Variants in DLGAP5 observed in about 807,000 individuals in gnomAD.
DLGAP5 encodes the protein DLG associated protein 5.
Under a neutral mutation model 99.6 loss-of-function variants are expected in DLGAP5, and 90 were observed. The ratio of observed to expected loss-of-function variants is 0.90; its 90% CI spans 0.76 to 1.08. The LOEUF (loss-of-function observed/expected upper bound fraction) is 1.08, where lower values mean the gene tolerates loss of function less well. DLGAP5 is among the 50% of genes least tolerant of loss of function. DLGAP5 has a pLI of 0.00. For missense variants in DLGAP5, 1,036 were observed against 983.5 expected (o/e 1.05, Z -0.71); for synonymous variants, 311 against 321.3 (o/e 0.97, Z 0.34).
intron 10 of DLGAP5, among the ~76,000 whole-genome samples, chr14:55,171,546 T>C (rs1479603027): frequency 6.6e-6 from 1 of 152,174 alleles, no homozygotes; most frequent in Non-Finnish European, 1.5e-5. Context: ...AAAGCCACTG[T>C]AGAAAACAGT....
chr14:55,183,561 T>C lies in DLGAP5; in HGVS notation c.431A>G (p.Lys144Arg), dbSNP rs747370616. 1 of 1,542,810 alleles carries C rather than the reference T, an allele frequency of 6.5e-7. No individual in the cohort carries two copies. The highest frequency in any genetic ancestry group is 8.7e-7 in the Non-Finnish European group (1 of 1,151,604). Residue 144 changes from lysine (K) to arginine (R), a missense_variant and splice_region_variant, in exon 3 of 19, where the codon AAG (lysine) becomes AGG (arginine). Coordinates refer to ENST00000247191, the MANE Select transcript of DLGAP5 (RefSeq NM_014750.5). ...TTTATATTAAGACACTAAATTTACC[T>C]TTTTTGGCTCAGCTTTCACAGCATT... is the stretch of plus-strand genomic sequence containing the variant. ...NQNAVKAEPK[K>R]AIPSSVRITR...
chr14:55,162,680 T>C (rs538978252), intron 13 of DLGAP5, among the ~76,000 whole-genome samples: 31 of 152,080 alleles, frequency 2.0e-4, no homozygotes, highest in South Asian at 1.2e-3. Context: ...TGTGGTAACT[T>C]AGAAGCCCTC....
chr14:55,164,077 G>A (rs1054956096), intron 12 of DLGAP5, among the ~76,000 whole-genome samples: 1 of 152,010 alleles, frequency 6.6e-6, no homozygotes, highest in African/African-American at 2.4e-5. Flanking sequence ...AGTCTCCTAC[G>A]AAGAGTTACG....
In DLGAP5 at chr14:55,174,031, C is replaced by T. The variant is rs191176436; in HGVS notation, c.1301+1315G>A. Reference sequence around the variant, plus strand: ...AAGAGAGATAACCTTAAACTCTGGCCGCCGGTGAGCCGGGCGGAACAGAGC... The same window carrying T: ...AAGAGAGATAACCTTAAACTCTGGCTGCCGGTGAGCCGGGCGGAACAGAGC... On this transcript the variant is annotated intron_variant, in intron 10 of 18. Transcript: ENST00000247191. 2.2e-3 allele frequency among the ~76,000 whole-genome samples: 332 copies of T among 152,320 alleles called. 3 individuals are homozygous for T. The highest frequency in any genetic ancestry group is 7.2e-3 in the African/African-American group (301 of 41,582).
At chr14:55,169,609 C>G (rs779893225) in intron 11 of DLGAP5, 50 bp from the exon 12 acceptor site, 42 of 1,434,058 alleles carry the variant, frequency 2.9e-5, no homozygotes, top group Non-Finnish European at 3.6e-5. Context: ...ACGGGACATT[C>G]ATTGCAAGTC....
At chr14:55,180,865 G>C in intron 5 of DLGAP5, 87 bp from the exon 6 acceptor site, 1 of 1,529,616 alleles carries the variant, frequency 6.5e-7, no homozygotes, top group Non-Finnish European at 9.0e-7. Context: ...TGCAATGCCT[G>C]TAGTCCCAGC....
chr14:55,177,362 G>A, intron 7 of DLGAP5, 26 bp from the exon 8 acceptor site: 1 of 1,546,324 alleles, frequency 6.5e-7, no homozygotes, highest in Non-Finnish European at 8.7e-7. Flanking sequence ...ACAAAGTAGA[G>A]TAAGATTTCT....
chr14:55,174,014 T>C (rs897665705), intron 10 of DLGAP5, among the ~76,000 whole-genome samples: 1 of 152,208 alleles, frequency 6.6e-6, no homozygotes, highest in East Asian at 1.9e-4. Flanking sequence ...ATAAGAGAGA[T>C]AACCTTAAAC....
intron 2 of DLGAP5, among the ~76,000 whole-genome samples, chr14:55,185,329 A>G (rs1883396737): frequency 6.6e-6 from 1 of 152,072 alleles, no homozygotes; most frequent in Non-Finnish European, 1.5e-5. Context: ...CCTCCCGAGT[A>G]GCTGGGATTA....
chr14:55,175,861 C>G (rs756670646), intron 9 of DLGAP5, 33 bp downstream of exon 9: 2 of 1,489,880 alleles, frequency 1.3e-6, no homozygotes, highest in Admixed American at 2.1e-5. Context: ...TAACATTATT[C>G]TAAAAAATGA....
chr14:55,172,340 CAAA>C (rs879341861), intron 10 of DLGAP5, among the ~76,000 whole-genome samples: 1 of 98,276 alleles, frequency 1.0e-5, no homozygotes, highest in African/African-American at 4.0e-5. Context: ...AAAAAAAATA[CAAA>C]AAAAAAAAAA....
intron 7 of DLGAP5, among the ~76,000 whole-genome samples, chr14:55,178,021 G>C (rs1438440769): frequency 6.6e-6 from 1 of 151,266 alleles, no homozygotes; most frequent in Non-Finnish European, 1.5e-5. Flanking sequence ...GGGAGGCTGA[G>C]GCGGGCGGAT....
Position 55,157,583 on chromosome 14 carries a change from GA to G in DLGAP5, c.1873+938del, listed in dbSNP as rs370497852. On this transcript the variant is annotated intron_variant, in intron 14 of 18. Coordinates refer to ENST00000247191, the MANE Select transcript of DLGAP5 (RefSeq NM_014750.5). ...TTCAATTCAAGAAAAATAGTCTGTGGAAAAAAAAGCTATGACAAACACTGTG... is the reference window on the plus strand; with the variant it reads ...TTCAATTCAAGAAAAATAGTCTGTGGAAAAAAAGCTATGACAAACACTGTG... Among the ~76,000 whole-genome samples, 1,058 of 151,606 alleles carry G rather than the reference GA, an allele frequency of 7.0e-3. 12 individuals are homozygous for G. Among genetic ancestry groups the G allele is most frequent in the African/African-American group, 0.024 (1,002 of 41,352 alleles).
intron 13 of DLGAP5, 55 bp downstream of exon 13, chr14:55,162,916 A>T: frequency 1.1e-6 from 1 of 879,624 alleles, no homozygotes; most frequent in Non-Finnish European, 1.7e-6. Context: ...GGATGTATGT[A>T]TAACAGTTCC....
chr14:55,159,147 C>T lies in DLGAP5; in HGVS notation c.1654-406G>A, dbSNP rs192900082. On this transcript the variant is annotated intron_variant, in intron 13 of 18. Coordinates refer to ENST00000247191, the MANE Select transcript of DLGAP5 (RefSeq NM_014750.5). ...GACACCTAAACCAATCTTCAGGCATCAGGAAAGGTTGTAGGAAGTAGCACC... is the reference window on the plus strand; with the variant it reads ...GACACCTAAACCAATCTTCAGGCATTAGGAAAGGTTGTAGGAAGTAGCACC... Among the ~76,000 whole-genome samples, 491 of 151,396 alleles carry T rather than the reference C, an allele frequency of 3.2e-3. 4 individuals carry two copies. Among genetic ancestry groups the T allele is most frequent in the African/African-American group, 0.012 (476 of 41,218 alleles).
chr14:55,170,604 AAAC>A, intron 11 of DLGAP5, 95 bp downstream of exon 11: 2 of 1,067,534 alleles, frequency 1.9e-6, no homozygotes, highest in South Asian at 2.9e-5. Flanking sequence ...AATGATAATG[AAAC>A]AATAAAGTTA....
Position 55,177,174 on chromosome 14 carries a change from T to TA in DLGAP5, c.936dup (p.Met313TyrfsTer39), listed in dbSNP as rs1566505259. The TA allele has an allele frequency of 1.9e-6, 3 of 1,613,030 alleles. No homozygotes were observed. Among genetic ancestry groups the TA allele is most frequent in the Non-Finnish European group, 2.5e-6 (3 of 1,179,716 alleles). On this transcript the variant is annotated frameshift_variant, in exon 8 of 19. Transcript: ENST00000247191. LOFTEE classifies it high-confidence loss of function. ...TTCAGACCATCCAGTGGCTGAAACATAAAATCCTTAGGTGCAAAGGAATTC... is the reference window on the plus strand; with the variant it reads ...TTCAGACCATCCAGTGGCTGAAACATAAAAATCCTTAGGTGCAAAGGAATTC...
At chr14:55,165,321 C>T (rs916042981) in intron 12 of DLGAP5, among the ~76,000 whole-genome samples, 2 of 151,976 alleles carry the variant, frequency 1.3e-5, no homozygotes, top group African/African-American at 4.8e-5. Context: ...GGAGTAAGAC[C>T]TGGCCACCTG....
Sources: gnomAD v4.1 joint callset for allele counts (sites outside exome capture counted in the v4.1 genomes callset) on GRCh38, gnomAD v4.1.1 for gene constraint, MANE v1.5 for transcripts, NCBI Gene and HGNC (gene_info 2026-07-23, HGNC 2026-07-21) for gene names.